Variants in A1CF observed in about 807,000 individuals in gnomAD.
A1CF encodes the protein APOBEC-1 stimulating protein.
A neutral mutation model predicts 68.9 loss-of-function variants in A1CF; 48 were observed. The observed-to-expected ratio is 0.70, with a 90% CI of 0.55 to 0.89. A1CF has a LOEUF of 0.89. A1CF is among the 40% of genes least tolerant of loss of function. The pLI, the probability that A1CF is intolerant of heterozygous loss-of-function variation, is 0.00. For synonymous variants in A1CF, 272 were observed against 260.4 expected, an observed-to-expected ratio of 1.04 and a Z score of -0.43; for missense variants, 653 against 718.9, an observed-to-expected ratio of 0.91 and a Z score of 1.05.
chr10:50,828,475 G>A, intron 6 of A1CF, 180 bp from the exon 7 acceptor site: 2 of 437,102 alleles, frequency 4.6e-6, no homozygotes, highest in Non-Finnish European at 8.0e-6. Context: ...CTGATTAGAA[G>A]GGAGTTCTGT....
Position 50,844,254 on chromosome 10 carries a change from G to A in A1CF, c.100-132C>T, listed in dbSNP as rs1272568691. The A allele has an allele frequency of 1.6e-6, 2 of 1,285,342 alleles. 1 individual carries two copies. The highest frequency in any genetic ancestry group is 2.8e-5 in the South Asian group (2 of 71,168). 79.6% of individuals were successfully genotyped at this position (1,285,342 alleles called of 1,614,324 possible). ...CATTGACAAGTAATAATAGTGGACT[G>A]GTTAAAGGAGAAAAATTAAAGCTTT... On this transcript the variant is annotated intron_variant, in intron 3 of 12. Coordinates refer to ENST00000373997, the MANE Select transcript of A1CF (RefSeq NM_014576.4).
Position 50,828,240 on chromosome 10 carries a change from T to G in A1CF, c.660A>C (p.Val220=). The G allele has an allele frequency of 6.2e-7, 1 of 1,607,930 alleles. No individual in the cohort carries two copies. Among genetic ancestry groups the G allele is most frequent in the Non-Finnish European group, 8.5e-7 (1 of 1,175,562 alleles). Residue 220 remains valine, a synonymous_variant, in exon 7 of 13, where the codon GTA becomes GTC. Coordinates refer to ENST00000373997, the MANE Select transcript of A1CF (RefSeq NM_014576.4). ...AAGACATTGTATCTTCATCAACTTC[T>G]ACTTCTGGCTCTGCCCAGTCTACTG... ...GIAVDWAEPE[V]EVDEDTMSSV... is the part of the protein sequence containing the mutation.
intron 1 of A1CF, among the ~76,000 whole-genome samples, chr10:50,875,414 T>C (rs1038833028): frequency 7.9e-5 from 12 of 152,300 alleles, no homozygotes; most frequent in Middle Eastern, 3.4e-3. Flanking sequence ...TGTGGTTCTA[T>C]GTACGGAAAG....
At chr10:50,817,676 AG>A (rs1391362899) in intron 8 of A1CF, among the ~76,000 whole-genome samples, 3 of 152,202 alleles carry the variant, frequency 2.0e-5, no homozygotes, top group Non-Finnish European at 4.4e-5. Context: ...GAGGAAGATG[AG>A]AGACCCAAAT....
chr10:50,878,254 G>C (rs1841607729), intron 1 of A1CF, among the ~76,000 whole-genome samples: 1 of 152,198 alleles, frequency 6.6e-6, no homozygotes, highest in Non-Finnish European at 1.5e-5. Flanking sequence ...AAAAAGCACT[G>C]TACATTTTTA....
chr10:50,850,741 A>G, intron 3 of A1CF: 1 of 1,614,180 alleles, frequency 6.2e-7, no homozygotes. Context: ...TGCTGTGCTC[A>G]TGCTCGCTTC....
intron 5 of A1CF, among the ~76,000 whole-genome samples, chr10:50,837,421 C>T (rs1375444395): frequency 2.0e-5 from 3 of 152,262 alleles, no homozygotes; most frequent in African/African-American, 7.2e-5. Context: ...TGTGCACAAC[C>T]TTTGACCAAA....
At chr10:50,812,872 A>AT (rs529781543) in intron 10 of A1CF, among the ~76,000 whole-genome samples, 254 of 152,234 alleles carry the variant, frequency 1.7e-3, no homozygotes, top group African/African-American at 5.4e-3. Flanking sequence ...TCTGATAGGC[A>AT]TTTTTTTTAA....
intron 3 of A1CF, among the ~76,000 whole-genome samples, chr10:50,856,341 T>A (rs1020948275): frequency 3.9e-5 from 6 of 152,076 alleles, no homozygotes; most frequent in African/African-American, 1.4e-4. Context: ...GATTCTTTAA[T>A]TCATTCAAAA....
chr10:50,830,987 G>A (rs1339275668), intron 6 of A1CF, among the ~76,000 whole-genome samples: 1 of 152,138 alleles, frequency 6.6e-6, no homozygotes, highest in Non-Finnish European at 1.5e-5. Context: ...TTTGACAAAG[G>A]TGCCAAGAAC....
intron 3 of A1CF, among the ~76,000 whole-genome samples, chr10:50,854,855 TC>T (rs747254576): frequency 6.6e-6 from 1 of 151,854 alleles, no homozygotes; most frequent in Non-Finnish European, 1.5e-5. Flanking sequence ...CTATCACACC[TC>T]AGAAAAATTG....
intron 8 of A1CF, 109 bp downstream of exon 8, chr10:50,820,443 T>A: frequency 1.2e-6 from 1 of 821,158 alleles, no homozygotes; most frequent in African/African-American, 1.7e-5. Context: ...GAGGCAGCCA[T>A]GTCAGAGAAG....
chr10:50,835,446 GA>G (rs1214460073), intron 6 of A1CF, among the ~76,000 whole-genome samples: 1 of 152,122 alleles, frequency 6.6e-6, no homozygotes, highest in African/African-American at 2.4e-5. Flanking sequence ...AAATGTTTTA[GA>G]ATGAGCCAAG....
At chr10:50,879,448 A>G (rs1013873119) in intron 1 of A1CF, among the ~76,000 whole-genome samples, 5 of 152,120 alleles carry the variant, frequency 3.3e-5, no homozygotes, top group African/African-American at 9.7e-5. Flanking sequence ...CTGTTCTCAT[A>G]CTGCTACAAA....
At chr10:50,848,209 C>T (rs549518249) in intron 3 of A1CF, among the ~76,000 whole-genome samples, 44 of 152,194 alleles carry the variant, frequency 2.9e-4, no homozygotes, top group African/African-American at 7.9e-4. Flanking sequence ...AATATGAAGA[C>T]GCTTGTAGTT....
At chr10:50,872,738 A>C (rs906085433) in intron 1 of A1CF, among the ~76,000 whole-genome samples, 1 of 151,808 alleles carries the variant, frequency 6.6e-6, no homozygotes, top group African/African-American at 2.4e-5. Flanking sequence ...GTGTGGGTGG[A>C]TTGTCTGATG....
chr10:50,829,372 T>G (rs913306131), intron 6 of A1CF, among the ~76,000 whole-genome samples: 1 of 152,194 alleles, frequency 6.6e-6, no homozygotes, highest in African/African-American at 2.4e-5. Context: ...TATTTGGGAA[T>G]AAACTTTATC....
In A1CF at chr10:50,854,841, G is replaced by C. The variant is rs377413086; in HGVS notation, c.99+5001C>G. Among the ~76,000 whole-genome samples, 53 of 151,874 alleles carry C rather than the reference G, an allele frequency of 3.5e-4. 2 individuals carry two copies. The South Asian group carries it at 1.0e-2, about 29-fold the overall frequency. On this transcript the variant is annotated intron_variant, in intron 3 of 12. Coordinates refer to ENST00000373997, the MANE Select transcript of A1CF (RefSeq NM_014576.4). ...ATGATCATTGGTTTACGAAAGCAAGGGGACTATCACACCTCAGAAAAATTG... is the reference window on the plus strand; with the variant it reads ...ATGATCATTGGTTTACGAAAGCAAGCGGACTATCACACCTCAGAAAAATTG...
chr10:50,810,206 A>C (rs930103579), intron 11 of A1CF, among the ~76,000 whole-genome samples, 164 bp from the exon 12 acceptor site: 1 of 152,252 alleles, frequency 6.6e-6, no homozygotes, highest in African/African-American at 2.4e-5. Context: ...GGTTGCATGT[A>C]GAAATATTTA....
Sources: allele counts gnomAD v4.1 joint callset (sites outside exome capture counted in the v4.1 genomes callset), GRCh38; gene constraint gnomAD v4.1.1; transcripts MANE v1.5; gene names NCBI Gene and HGNC (gene_info 2026-07-23, HGNC 2026-07-21).